The following RETREG1 variants were observed in gnomAD, a reference collection of about 807,000 sequenced individuals.
RETREG1 encodes the protein reticulophagy regulator 1, also known as family with sequence similarity 134 member B.
Under a neutral mutation model 54.8 loss-of-function variants are expected in RETREG1, and 44 were observed. That is an observed-to-expected ratio of 0.80 (90% CI 0.63 to 1.03). The LOEUF (loss-of-function observed/expected upper bound fraction) is 1.03. Ranked by LOEUF, RETREG1 falls within the 50% of genes least tolerant of loss-of-function variation. The pLI is 0.00. For missense variants in RETREG1, 554 were observed against 605.1 expected (o/e 0.92, Z 0.89); for synonymous variants, 217 against 238.5 (o/e 0.91, Z 0.83).
At chr5:16,558,427 T>C (rs1299826209) in intron 3 of RETREG1, among the ~76,000 whole-genome samples, 1 of 152,196 alleles carries the variant, frequency 6.6e-6, no homozygotes, top group Admixed American at 6.5e-5. Context: ...AAGCAATGAA[T>C]TTCTTTCCTT....
chr5:16,569,195 ACT>A, intron 2 of RETREG1, among the ~76,000 whole-genome samples: 1 of 151,668 alleles, frequency 6.6e-6, no homozygotes, highest in Non-Finnish European at 1.5e-5. Context: ...GTCCTAAGAG[ACT>A]CTACTGAAGG....
At position 16,529,677 on chromosome 5, in the gene RETREG1, T is replaced by A. The variant is rs181026203; in HGVS notation, c.458+36086A>T. On this transcript the variant is annotated intron_variant, in intron 3 of 8. Transcript: ENST00000306320. ...TTGCGTCACTGTTCAACAGCAAGCT[T>A]AGCCTTACTTGAGTTCTTAGCTATA... Among the ~76,000 whole-genome samples, 37 of 152,238 alleles carry A rather than the reference T, an allele frequency of 2.4e-4. 1 individual carries two copies. The East Asian group carries it at 6.9e-3, about 29-fold the overall frequency.
intron 3 of RETREG1, among the ~76,000 whole-genome samples, chr5:16,529,719 A>AT (rs974167648): frequency 6.6e-6 from 1 of 151,892 alleles, no homozygotes; most frequent in African/African-American, 2.4e-5. Flanking sequence ...GGTTTGGTTA[A>AT]TTTTTTTACA....
chr5:16,510,818 CAAAAAAAAAAAAAA>C (rs57713373), intron 3 of RETREG1, among the ~76,000 whole-genome samples: 1 of 75,714 alleles, frequency 1.3e-5, no homozygotes, highest in African/African-American at 5.7e-5. Flanking sequence ...ACAACAACAA[CAAAAAAAAAAAAAA>C]AAAAAAAAAA....
chr5:16,565,095 C>T (rs1317673192), intron 3 of RETREG1, among the ~76,000 whole-genome samples: 2 of 152,216 alleles, frequency 1.3e-5, no homozygotes, highest in African/African-American at 2.4e-5. Flanking sequence ...ATACTCCCCT[C>T]ATTTTCCCGC....
At chr5:16,489,093 A>C (rs1739148302) in intron 3 of RETREG1, among the ~76,000 whole-genome samples, 2 of 130,180 alleles carry the variant, frequency 1.5e-5, no homozygotes, top group African/African-American at 5.8e-5. Context: ...AAAAAAAAAA[A>C]AAAAAAAAAA....
In RETREG1 at chr5:16,475,182, T is replaced by C; in HGVS notation, c.1053A>G (p.Pro351=). The C allele has an allele frequency of 1.2e-6, 2 of 1,613,804 alleles. No individual in the cohort carries two copies. Among genetic ancestry groups the C allele is most frequent in the Non-Finnish European group, 8.5e-7 (1 of 1,179,886 alleles). Residue 351 remains proline, a synonymous_variant, in exon 9 of 9, where the codon CCA becomes CCG. Coordinates refer to ENST00000306320, the MANE Select transcript of RETREG1 (RefSeq NM_001034850.3). Reference sequence around the variant, plus strand: ...TTGTTCCCATGCCATTTTCTAGAGATGGAAAATCTGAAAGATCTCTAGAGA... The same window carrying C: ...TTGTTCCCATGCCATTTTCTAGAGACGGAAAATCTGAAAGATCTCTAGAGA... The part of the protein sequence containing the change: ...EVFSRDLSDF[P]SLENGMGTND...
At chr5:16,497,664 A>G (rs1481002512) in intron 3 of RETREG1, among the ~76,000 whole-genome samples, 1 of 152,228 alleles carries the variant, frequency 6.6e-6, no homozygotes, top group Admixed American at 6.5e-5. Context: ...ATAAAGAGAA[A>G]GATTATCACC....
chr5:16,498,368 C>G (rs935293783), intron 3 of RETREG1, among the ~76,000 whole-genome samples: 2 of 152,154 alleles, frequency 1.3e-5, no homozygotes, highest in Non-Finnish European at 2.9e-5. Context: ...TGGTAAGTAT[C>G]TGTGCATCTA....
intron 1 of RETREG1, among the ~76,000 whole-genome samples, chr5:16,573,992 C>T (rs187391430): frequency 2.0e-5 from 3 of 152,256 alleles, no homozygotes; most frequent in African/African-American, 7.2e-5. Context: ...GGTGATCCGC[C>T]GGCCTTGGCC....
At chr5:16,564,071 A>G (rs1178954531) in intron 3 of RETREG1, among the ~76,000 whole-genome samples, 2 of 152,174 alleles carry the variant, frequency 1.3e-5, no homozygotes, top group African/African-American at 4.8e-5. Context: ...TATTTATACA[A>G]CTGTATTTAT....
intron 1 of RETREG1, among the ~76,000 whole-genome samples, chr5:16,604,721 C>T (rs886441654): frequency 6.6e-6 from 1 of 152,170 alleles, no homozygotes; most frequent in East Asian, 1.9e-4. Flanking sequence ...GGTGGCCACA[C>T]CTCACCCAAT....
chr5:16,541,979 A>G (rs558835352), intron 3 of RETREG1, among the ~76,000 whole-genome samples: 17 of 152,328 alleles, frequency 1.1e-4, no homozygotes, highest in Middle Eastern at 3.4e-3. Flanking sequence ...TTCAGGGGCC[A>G]CTATGTTCTA....
chr5:16,607,019 C>A (rs1743208561), intron 1 of RETREG1, among the ~76,000 whole-genome samples: 1 of 151,916 alleles, frequency 6.6e-6, no homozygotes, highest in South Asian at 2.1e-4. Context: ...CTGCCTGGAA[C>A]ACTCCCCTCC....
intron 1 of RETREG1, among the ~76,000 whole-genome samples, chr5:16,577,820 AC>A (rs2126316126): frequency 6.6e-6 from 1 of 151,664 alleles, no homozygotes; most frequent in African/African-American, 2.4e-5. Context: ...GTCAGGGGAA[AC>A]CCCTTTTGCT....
In RETREG1 at chr5:16,615,233, T is replaced by TA. The variant is rs567382688; in HGVS notation, c.320+1418dup. Among the ~76,000 whole-genome samples, 404 of 151,028 alleles carry TA rather than the reference T, an allele frequency of 2.7e-3. 2 individuals carry two copies. The highest frequency in any genetic ancestry group is 9.0e-3 in the African/African-American group (370 of 41,236). On this transcript the variant is annotated intron_variant, in intron 1 of 8. Transcript: ENST00000306320. ...TAACACGGTGAAACCCCGTCTCTAC[T>TA]AAAAAAAATACAAAAAACTGGCCAG...
chr5:16,508,502 T>G, intron 3 of RETREG1: 2 of 1,330,682 alleles, frequency 1.5e-6, no homozygotes, highest in Non-Finnish European at 2.2e-6. Flanking sequence ...TTTAAATTAG[T>G]CATAATATTT....
intron 3 of RETREG1, among the ~76,000 whole-genome samples, chr5:16,503,379 A>G (rs555847191): frequency 6.6e-6 from 1 of 152,206 alleles, no homozygotes; most frequent in South Asian, 2.1e-4. Context: ...AAAATAAATA[A>G]TTCCATAGAC....
At chr5:16,590,781 TAC>T (rs1406012912) in intron 1 of RETREG1, among the ~76,000 whole-genome samples, 2 of 150,620 alleles carry the variant, frequency 1.3e-5, no homozygotes, top group Admixed American at 6.6e-5. Context: ...CCCCGGTGGG[TAC>T]ACACACACAA....
Sources: gnomAD v4.1 joint callset for allele counts (sites outside exome capture counted in the v4.1 genomes callset) on GRCh38, gnomAD v4.1.1 for gene constraint, MANE v1.5 for transcripts, NCBI Gene and HGNC (gene_info 2026-07-23, HGNC 2026-07-21) for gene names.